The following RIT2 variants were observed in gnomAD, a reference collection of about 807,000 sequenced individuals.
RIT2 encodes the protein Ras like without CAAX 2.
A neutral mutation model predicts 23.7 loss-of-function variants in RIT2; 24 were observed. That is an observed-to-expected ratio of 1.01 (90% CI 0.73 to 1.43). RIT2 has a LOEUF of 1.43. Among genes scored for constraint, RIT2 ranks in the 40% most tolerant of loss-of-function variants. The probability of loss-of-function intolerance (pLI) is 0.00; values close to 1 mark genes in which losing one functional copy is unlikely to be tolerated. For synonymous variants in RIT2, 107 were observed against 91.1 expected, an observed-to-expected ratio of 1.17 and a Z score of -0.99; for missense variants, 236 against 266.9, an observed-to-expected ratio of 0.88 and a Z score of 0.81.
In RIT2 at chr18:42,923,655, C is replaced by T. The variant is rs867935451; in HGVS notation, c.343G>A (p.Glu115Lys). ...GTGTGGCGGACCTGAAAAATGAGCT[C>T]TTTAAACTTGGCAGCCTCCTGAAAT... ...QSFQEAAKFK[E>K]LIFQVRHTYE... Residue 115 changes from glutamate to lysine, a missense_variant, in exon 4 of 5, where the codon GAG (glutamate) becomes AAG (lysine). Coordinates refer to ENST00000326695, the MANE Select transcript of RIT2 (RefSeq NM_002930.4). 6.2e-7 allele frequency: 1 copy of T among 1,613,348 alleles called. No homozygotes were observed. The highest frequency in any genetic ancestry group is 1.7e-4 in the Middle Eastern group (1 of 6,054).
chr18:42,767,137 C>T (rs561808659), intron 4 of RIT2, among the ~76,000 whole-genome samples: 50 of 152,182 alleles, frequency 3.3e-4, no homozygotes, highest in Non-Finnish European at 5.7e-4. Flanking sequence ...TGTAAGAAGA[C>T]GGCCATGGTC....
chr18:43,101,606 T>C (rs1490349443), intron 1 of RIT2, among the ~76,000 whole-genome samples: 1 of 152,210 alleles, frequency 6.6e-6, no homozygotes, highest in Non-Finnish European at 1.5e-5. Context: ...TGAATTTCAA[T>C]GCATGCCTGT....
At chr18:42,902,713 T>G (rs1186621616) in intron 4 of RIT2, among the ~76,000 whole-genome samples, 2 of 151,672 alleles carry the variant, frequency 1.3e-5, no homozygotes, top group Non-Finnish European at 1.5e-5. Flanking sequence ...GGGGGTTAAC[T>G]TAATAGAAAT....
chr18:42,982,535 C>T (rs1910620686), intron 2 of RIT2, among the ~76,000 whole-genome samples: 1 of 152,268 alleles, frequency 6.6e-6, no homozygotes, highest in South Asian at 2.1e-4. Flanking sequence ...TACACATTTC[C>T]TAAAACCATA....
intron 4 of RIT2, among the ~76,000 whole-genome samples, chr18:42,772,341 C>T (rs1913571130): frequency 6.6e-6 from 1 of 152,094 alleles, no homozygotes; most frequent in Non-Finnish European, 1.5e-5. Context: ...GTTTTTATCT[C>T]AAAGTAAGTA....
chr18:43,086,748 C>A (rs12963419), intron 1 of RIT2, among the ~76,000 whole-genome samples: 83,814 of 151,964 alleles, frequency 0.55, 24,087 homozygotes, highest in Non-Finnish European at 0.65. Context: ...GGGATGCTAA[C>A]CTCCTGGATG....
chr18:43,080,991 G>A (rs1021886316), intron 1 of RIT2, among the ~76,000 whole-genome samples: 2 of 152,152 alleles, frequency 1.3e-5, no homozygotes, highest in African/African-American at 4.8e-5. Context: ...GTCAACAGAT[G>A]GCCAGCCTAG....
chr18:42,889,730 T>A lies in RIT2; in HGVS notation c.426+33842A>T, dbSNP rs149352664. ...AATGTATACCGCCATCAAACATTTA[T>A]ACATATAATCACAGAAGATAAACAT... On this transcript the variant is annotated intron_variant, in intron 4 of 4. Coordinates refer to ENST00000326695, the MANE Select transcript of RIT2 (RefSeq NM_002930.4). 3.8e-3 allele frequency among the ~76,000 whole-genome samples: 582 copies of A among 152,250 alleles called. 4 individuals are homozygous for A. The highest frequency in any genetic ancestry group is 0.012 in the African/African-American group (501 of 41,564).
At chr18:42,863,123 G>T (rs532065138) in intron 4 of RIT2, among the ~76,000 whole-genome samples, 1 of 151,638 alleles carries the variant, frequency 6.6e-6, no homozygotes, top group South Asian at 2.1e-4. Context: ...CCTCAAATCT[G>T]GAAACTGTAG....
intron 1 of RIT2, among the ~76,000 whole-genome samples, chr18:43,058,102 T>C (rs1039874159): frequency 1.3e-5 from 2 of 152,154 alleles, no homozygotes; most frequent in Non-Finnish European, 2.9e-5. Flanking sequence ...AGTAGTAGTT[T>C]AGCAGCCAAG....
At chr18:42,805,866 T>G (rs1160632610) in intron 4 of RIT2, among the ~76,000 whole-genome samples, 1 of 152,070 alleles carries the variant, frequency 6.6e-6, no homozygotes, top group Non-Finnish European at 1.5e-5. Flanking sequence ...CTAGCTTTAA[T>G]ACAATTTTGA....
At chr18:42,859,622 A>T (rs891165766) in intron 4 of RIT2, among the ~76,000 whole-genome samples, 2 of 152,110 alleles carry the variant, frequency 1.3e-5, no homozygotes, top group East Asian at 3.9e-4. Flanking sequence ...TGTATCTGTG[A>T]GTTCATTGCT....
chr18:43,101,203 G>C lies in RIT2; in HGVS notation c.103+14214C>G, dbSNP rs183935422. Among the ~76,000 whole-genome samples, 3 of 152,134 alleles carry C rather than the reference G, an allele frequency of 2.0e-5. No individual in the cohort carries two copies. In the East Asian group the frequency reaches 5.8e-4, roughly 29 times the overall value. ...TCATACGTATGTTAAATTCTGTTGA[G>C]TATATATAGCTAAGAGTAGAATTGC... is the stretch of plus-strand genomic sequence containing the variant. On this transcript the variant is annotated intron_variant, in intron 1 of 4. Coordinates refer to ENST00000326695, the MANE Select transcript of RIT2 (RefSeq NM_002930.4).
At chr18:42,896,241 G>T (rs917580998) in intron 4 of RIT2, among the ~76,000 whole-genome samples, 1 of 152,192 alleles carries the variant, frequency 6.6e-6, no homozygotes, top group Non-Finnish European at 1.5e-5. Flanking sequence ...TCCAGCCTGG[G>T]CAACAAGAGT....
chr18:42,927,074 AT>A (rs1422947228), intron 3 of RIT2, among the ~76,000 whole-genome samples: 1 of 152,032 alleles, frequency 6.6e-6, no homozygotes, highest in Admixed American at 6.6e-5. Flanking sequence ...TTAAAATACA[AT>A]ACAAATCAAG....
At chr18:42,874,493 T>A (rs996113658) in intron 4 of RIT2, among the ~76,000 whole-genome samples, 1 of 152,110 alleles carries the variant, frequency 6.6e-6, no homozygotes, top group African/African-American at 2.4e-5. Context: ...TACATTTGCA[T>A]TGTTGAAGTC....
intron 3 of RIT2, among the ~76,000 whole-genome samples, chr18:42,938,328 G>A (rs1227895936): frequency 1.3e-5 from 2 of 152,160 alleles, no homozygotes; most frequent in African/African-American, 4.8e-5. Flanking sequence ...CAATGAGACC[G>A]AACAAGTTCG....
At chr18:43,107,315 C>T (rs886892539) in intron 1 of RIT2, among the ~76,000 whole-genome samples, 1 of 152,126 alleles carries the variant, frequency 6.6e-6, no homozygotes, top group African/African-American at 2.4e-5. Context: ...TCTATCATTG[C>T]CTCACAAGTC....
intron 1 of RIT2, among the ~76,000 whole-genome samples, chr18:43,106,717 T>G (rs886855978): frequency 7.2e-5 from 11 of 152,224 alleles, no homozygotes; most frequent in African/African-American, 2.7e-4. Flanking sequence ...GGCAGGATGC[T>G]GAAATGCTTG....
Sources: allele counts gnomAD v4.1 joint callset (sites outside exome capture counted in the v4.1 genomes callset), GRCh38; gene constraint gnomAD v4.1.1; transcripts MANE v1.5; gene names NCBI Gene and HGNC (gene_info 2026-07-23, HGNC 2026-07-21).